Variants in TNC observed in about 807,000 individuals in gnomAD.
The protein encoded by TNC is tenascin C, also known as tenascin.
TNC carries 109 observed loss-of-function variants against 202.4 expected under a neutral mutation model. The ratio of observed to expected loss-of-function variants is 0.54; its 90% confidence interval spans 0.46 to 0.63. The LOEUF is 0.63. Ranked by LOEUF, TNC falls within the 30% of genes least tolerant of loss-of-function variation. TNC has a pLI of 0.00. For synonymous variants in TNC, 1,007 were observed against 1,089.7 expected (o/e 0.92, Z 1.50); for missense variants, 2,756 against 2,833.3 (o/e 0.97, Z 0.62).
rs138228027 is a variant in TNC at position 115,038,909 on chromosome 9, C to G, written c.5393-529G>C. Among the ~76,000 whole-genome samples the G allele has an allele frequency of 9.1e-3, 1,388 of 152,192 alleles. 23 individuals carry two copies. The highest frequency in any genetic ancestry group is 0.031 in the African/African-American group (1,298 of 41,526). ...GTGGCACGATCTCGGCTCACTGCAA[C>G]CTCTGCCTCCCGGGTTCAAGCAATG... On this transcript the variant is annotated intron_variant, in intron 19 of 27. Coordinates refer to ENST00000350763, the MANE Select transcript of TNC (RefSeq NM_002160.4).
rs1834313215 is a variant in TNC, at chr9:115,081,664, A to G, written c.2404+108T>C. 4 of 1,273,890 alleles carry G rather than the reference A, an allele frequency of 3.1e-6. No homozygotes were observed. The African/African-American group carries it at 6.0e-5, about 19-fold the overall frequency. 78.9% of individuals were successfully genotyped at this position (1,273,890 alleles called of 1,614,324 possible). On this transcript the variant is annotated intron_variant, in intron 6 of 27. Transcript: ENST00000350763. ...GTATCTGGATTTTTAAAAATGCAGCAAAAGTTAAATGATGTAGATGCTATA... is the reference window on the plus strand; with the variant it reads ...GTATCTGGATTTTTAAAAATGCAGCGAAAGTTAAATGATGTAGATGCTATA...
At chr9:115,110,240 G>T (rs909678298) in intron 1 of TNC, among the ~76,000 whole-genome samples, 1 of 152,210 alleles carries the variant, frequency 6.6e-6, no homozygotes, top group Admixed American at 6.5e-5. Flanking sequence ...GGGTTGATGT[G>T]AACAGTATGA....
chr9:115,095,329 C>A (rs1280337161), intron 1 of TNC, among the ~76,000 whole-genome samples: 2 of 151,562 alleles, frequency 1.3e-5, no homozygotes, highest in Non-Finnish European at 2.9e-5. Flanking sequence ...TTTCTCCTAA[C>A]CTTTGAAACC....
intron 14 of TNC, among the ~76,000 whole-genome samples, chr9:115,059,528 C>T (rs935602018): frequency 3.3e-5 from 5 of 152,158 alleles, no homozygotes; most frequent in Non-Finnish European, 5.9e-5. Context: ...GAAAGGGCAA[C>T]ACCTGCATCA....
chr9:115,052,260 A>G (rs773809270), intron 15 of TNC, among the ~76,000 whole-genome samples: 67 of 152,108 alleles, frequency 4.4e-4, no homozygotes, highest in Admixed American at 1.2e-3. Context: ...AAAGCTGAAC[A>G]CATAGAAGCA....
chr9:115,077,908 T>C (rs1461480746), intron 7 of TNC, 35 bp downstream of exon 7: 12 of 1,593,684 alleles, frequency 7.5e-6, no homozygotes, highest in Non-Finnish European at 1.0e-5. Context: ...CAATCTTTCC[T>C]TTACTATATC....
chr9:115,048,135 T>C, intron 16 of TNC, 125 bp downstream of exon 16: 2 of 1,218,054 alleles, frequency 1.6e-6, no homozygotes, highest in Non-Finnish European at 2.3e-6. Context: ...GGTGAAACAG[T>C]AGACTACATT....
At chr9:115,056,053 G>A (rs1832092469) in intron 15 of TNC, among the ~76,000 whole-genome samples, 4 of 152,152 alleles carry the variant, frequency 2.6e-5, no homozygotes, top group African/African-American at 9.7e-5. Flanking sequence ...CATGTAGAAT[G>A]AGGACAGACC....
chr9:115,034,515 T>C (rs958746604), intron 22 of TNC, among the ~76,000 whole-genome samples: 2 of 152,104 alleles, frequency 1.3e-5, no homozygotes, highest in Non-Finnish European at 2.9e-5. Context: ...GTGCAGGATA[T>C]AGAATAAAAT....
chr9:115,084,122 G>T, intron 4 of TNC, 87 bp downstream of exon 4: 1 of 1,412,916 alleles, frequency 7.1e-7, no homozygotes, highest in Non-Finnish European at 9.7e-7. Context: ...AACAACTATA[G>T]GATTGTAGGG....
rs770024731 is a variant in TNC, at chr9:115,086,792, G to C, written c.939C>G (p.Leu313=). 3 of 1,613,956 alleles carry C rather than the reference G, an allele frequency of 1.9e-6. No individual in the cohort carries two copies. The highest frequency in any genetic ancestry group is 2.2e-5 in the South Asian group (2 of 91,080). The change falls in exon 3 of 28, where the codon CTC becomes CTG. Residue 313 remains leucine, a synonymous_variant. Transcript: ENST00000350763. ...EGFTGEDCSE[L]ICPNDCFDRG... ...GGTCGAAGCAGTCATTGGGGCAGATGAGCTCACTGCAGTCTTCGCCCGTGA... is the reference window on the plus strand; with the variant it reads ...GGTCGAAGCAGTCATTGGGGCAGATCAGCTCACTGCAGTCTTCGCCCGTGA...
chr9:115,085,237 C>T (rs987865943), intron 3 of TNC, among the ~76,000 whole-genome samples: 3 of 152,020 alleles, frequency 2.0e-5, no homozygotes, highest in Non-Finnish European at 4.4e-5. Flanking sequence ...TAGGAGCTTG[C>T]AGTCTTTAGG....
Position 115,087,258 on chromosome 9 carries a change from CT to C in TNC, c.472del (p.Arg158GlyfsTer75). On this transcript the variant is annotated frameshift_variant, in exon 3 of 28. Transcript: ENST00000350763. LOFTEE classifies it high-confidence loss of function. The part of the protein sequence containing the change: ...LQPATGRLDT[R>X]PFCSGRGNFS... ...GTTGCCCCGACCGCTACAGAAGGGC[CT>C]GGTGTCCAAGCGGCCTGCAACAAAA... The C allele has an allele frequency of 6.2e-7, 1 of 1,612,296 alleles. No individual in the cohort carries two copies. Among genetic ancestry groups the C allele is most frequent in the Non-Finnish European group, 8.5e-7 (1 of 1,178,486 alleles).
At chr9:115,045,868 C>T (rs1001348072) in intron 17 of TNC, among the ~76,000 whole-genome samples, 3 of 152,042 alleles carry the variant, frequency 2.0e-5, no homozygotes, top group Admixed American at 6.6e-5. Flanking sequence ...TGCTGATCAC[C>T]GTACTGATTA....
intron 15 of TNC, among the ~76,000 whole-genome samples, chr9:115,051,176 C>T (rs10817705): frequency 0.62 from 94,106 of 151,922 alleles, 29,526 homozygotes; most frequent in African/African-American, 0.7. Context: ...GTTTTTGCTG[C>T]CACCATTTGG....
intron 15 of TNC, among the ~76,000 whole-genome samples, chr9:115,050,436 C>G (rs1034697750): frequency 6.6e-6 from 1 of 152,086 alleles, no homozygotes; most frequent in Non-Finnish European, 1.5e-5. Context: ...CCATTTCTCC[C>G]CTCCTGAGGA....
At chr9:115,058,357 T>C in intron 14 of TNC, among the ~76,000 whole-genome samples, 1 of 152,192 alleles carries the variant, frequency 6.6e-6, no homozygotes, top group Non-Finnish European at 1.5e-5. Context: ...TTATGGAACT[T>C]CCTGCCCATA....
chr9:115,101,765 G>C (rs1462964094), intron 1 of TNC, among the ~76,000 whole-genome samples: 1 of 152,126 alleles, frequency 6.6e-6, no homozygotes, highest in African/African-American at 2.4e-5. Flanking sequence ...ACACAAGCAA[G>C]GTCTGGTATT....
In TNC at chr9:115,086,017, G is replaced by A. The variant is rs999968469; in HGVS notation, c.1714C>T (p.Arg572Cys). Reference protein sequence around the residue: ...RCPSDCHGQGRCVDGQCICHE... With the variant: ...RCPSDCHGQGCCVDGQCICHE... ...CAGATGCACTGGCCGTCCACGCAGC[G>A]GCCCTGGCCATGACAGTCACTGGGA... is the stretch of plus-strand genomic sequence containing the variant. Residue 572 changes from arginine (R) to cysteine (C), a missense_variant, in exon 3 of 28, where the codon CGC (arginine) becomes TGC (cysteine). Arg to Cys is a radical substitution (Grantham distance 180). Transcript: ENST00000350763. 4.3e-6 allele frequency: 7 copies of A among 1,613,952 alleles called. No individual in the cohort carries two copies. Among genetic ancestry groups the A allele is most frequent in the African/African-American group, 4.0e-5 (3 of 74,954 alleles).
Sources: gnomAD v4.1 joint callset for allele counts (sites outside exome capture counted in the v4.1 genomes callset) on GRCh38, gnomAD v4.1.1 for gene constraint, MANE v1.5 for transcripts, NCBI Gene and HGNC (gene_info 2026-07-23, HGNC 2026-07-21) for gene names.